SGCD: variants seen among roughly 807,000 people sequenced by gnomAD.
SGCD encodes the protein sarcoglycan delta.
In SGCD, 18 loss-of-function variants were observed where a neutral mutation model predicts 36.6. The observed-to-expected ratio is 0.49, with a 90% CI of 0.34 to 0.73. SGCD has a LOEUF of 0.73. SGCD is among the 30% of genes least tolerant of loss of function. SGCD has a pLI of 0.01. For synonymous variants in SGCD, 133 were observed against 130.6 expected (o/e 1.02, Z -0.12); for missense variants, 387 against 346.7 (o/e 1.12, Z -0.92).
chr5:156,477,049 G>GA (rs5872462), intron 3 of SGCD, among the ~76,000 whole-genome samples: 6,783 of 122,964 alleles, frequency 0.055, 452 homozygotes, highest in African/African-American at 0.17. Flanking sequence ...AAGAGAAAAA[G>GA]AAAAAAAAAA....
intron 3 of SGCD, among the ~76,000 whole-genome samples, chr5:156,196,107 TC>T (rs1288810579): frequency 6.6e-6 from 1 of 152,084 alleles, no homozygotes; most frequent in Non-Finnish European, 1.5e-5. Context: ...TCCAACTTCA[TC>T]CCTTTATTTT....
At chr5:156,012,384 T>A (rs1249702897) in intron 1 of SGCD, among the ~76,000 whole-genome samples, 1 of 151,832 alleles carries the variant, frequency 6.6e-6, no homozygotes, top group Non-Finnish European at 1.5e-5. Flanking sequence ...TATCTTAGAA[T>A]TTTTTCATAT....
At chr5:156,459,404 GA>G (rs1197006721) in intron 3 of SGCD, among the ~76,000 whole-genome samples, 50 of 152,300 alleles carry the variant, frequency 3.3e-4, no homozygotes, top group African/African-American at 1.2e-3. Context: ...TCACTTGAAT[GA>G]TTTGTTAAAA....
intron 1 of SGCD, among the ~76,000 whole-genome samples, chr5:156,025,477 T>G (rs367579354): frequency 1.3e-5 from 2 of 152,238 alleles, no homozygotes; most frequent in Non-Finnish European, 2.9e-5. Context: ...TTGTTGGAGC[T>G]TTAGACCTGG....
the SGCD span, among the ~76,000 whole-genome samples, chr5:155,754,622 G>T: frequency 6.6e-6 from 1 of 152,178 alleles, no homozygotes; most frequent in African/African-American, 2.4e-5. Flanking sequence ...ATATGTTATG[G>T]CGTCAGTTAT....
intron 1 of SGCD, among the ~76,000 whole-genome samples, chr5:156,091,756 T>A (rs1761250241): frequency 6.6e-6 from 1 of 152,232 alleles, no homozygotes; most frequent in South Asian, 2.1e-4. Flanking sequence ...CCATTCACCC[T>A]GCAATGAGCC....
At chr5:156,043,620 G>A (rs1282620279) in intron 1 of SGCD, among the ~76,000 whole-genome samples, 2 of 152,124 alleles carry the variant, frequency 1.3e-5, no homozygotes, top group African/African-American at 2.4e-5. Flanking sequence ...GTCACCTGGT[G>A]CATGACTGTG....
At chr5:156,487,188 C>A (rs1220858432) in intron 3 of SGCD, among the ~76,000 whole-genome samples, 1 of 152,188 alleles carries the variant, frequency 6.6e-6, no homozygotes, top group African/African-American at 2.4e-5. Flanking sequence ...CTCACCACAG[C>A]TTTCACTAAC....
At chr5:155,768,976 A>G in the SGCD span, among the ~76,000 whole-genome samples, 1 of 152,184 alleles carries the variant, frequency 6.6e-6, no homozygotes, top group Non-Finnish European at 1.5e-5. Context: ...TGTTCATTGC[A>G]GTATTGCTTA....
At chr5:156,659,575 GC>G (rs1763818829) in intron 7 of SGCD, among the ~76,000 whole-genome samples, 1 of 143,710 alleles carries the variant, frequency 7.0e-6, no homozygotes, top group Non-Finnish European at 1.5e-5. Flanking sequence ...ATATAAGGGG[GC>G]TTTACGCAAC....
chr5:155,969,439 A>C (rs1757965773), intron 1 of SGCD, among the ~76,000 whole-genome samples: 1 of 151,440 alleles, frequency 6.6e-6, no homozygotes, highest in Admixed American at 6.6e-5. Context: ...ACATTAAAAA[A>C]TAAATAAATA....
chr5:156,076,796 T>C (rs1760797289), intron 1 of SGCD, among the ~76,000 whole-genome samples: 1 of 152,196 alleles, frequency 6.6e-6, no homozygotes, highest in South Asian at 2.1e-4. Context: ...GAAAAGAGGC[T>C]GTGTTGTAGA....
chr5:156,277,961 G>A (rs1339451137), intron 3 of SGCD, among the ~76,000 whole-genome samples: 2 of 152,084 alleles, frequency 1.3e-5, no homozygotes, highest in Non-Finnish European at 2.9e-5. Context: ...TGTATAAGCA[G>A]TAAAGGAAGC....
At chr5:156,344,873 G>A (rs1768867782) in intron 3 of SGCD, among the ~76,000 whole-genome samples, 196 bp downstream of exon 3, 1 of 152,132 alleles carries the variant, frequency 6.6e-6, no homozygotes, top group Admixed American at 6.5e-5. Flanking sequence ...TTCTTCGGGG[G>A]CTAATACTCC....
At chr5:156,435,027 T>A (rs528487152) in intron 3 of SGCD, among the ~76,000 whole-genome samples, 1 of 152,174 alleles carries the variant, frequency 6.6e-6, no homozygotes, top group Non-Finnish European at 1.5e-5. Context: ...AAGATCTGAT[T>A]ATTGTAAAGG....
chr5:156,571,040 T>G (rs1409419672), intron 4 of SGCD, among the ~76,000 whole-genome samples: 1 of 152,160 alleles, frequency 6.6e-6, no homozygotes, highest in Non-Finnish European at 1.5e-5. Flanking sequence ...ATCTTTTTTG[T>G]TTTTTGTTTC....
At chr5:156,554,448 G>C (rs1431320374) in intron 4 of SGCD, among the ~76,000 whole-genome samples, 5 of 150,824 alleles carry the variant, frequency 3.3e-5, no homozygotes, top group East Asian at 1.9e-4. Context: ...CATTATTGCT[G>C]TTCATGTGTT....
the SGCD span, among the ~76,000 whole-genome samples, chr5:155,738,843 G>A: frequency 1.3e-5 from 2 of 150,376 alleles, no homozygotes; most frequent in African/African-American, 4.9e-5. Flanking sequence ...GACTGTGAGA[G>A]AGTATGTATA....
intron 3 of SGCD, among the ~76,000 whole-genome samples, chr5:156,205,065 T>C (rs1281802476): frequency 6.6e-6 from 1 of 152,130 alleles, no homozygotes; most frequent in Non-Finnish European, 1.5e-5. Context: ...TAATAGCATA[T>C]AGATTTTTAC....
Sources: gnomAD v4.1 joint callset for allele counts (sites outside exome capture counted in the v4.1 genomes callset) on GRCh38, gnomAD v4.1.1 for gene constraint, MANE v1.5 for transcripts, NCBI Gene and HGNC (gene_info 2026-07-23, HGNC 2026-07-21) for gene names.